MDGA1: variants seen among roughly 807,000 people sequenced by gnomAD.
MDGA1 encodes MAM domain containing glycosylphosphatidylinositol anchor 1.
Under a neutral mutation model 101.5 loss-of-function variants are expected in MDGA1, and 54 were observed. That is an observed-to-expected ratio of 0.53 (90% CI 0.43 to 0.67). The LOEUF is 0.67. Ranked by LOEUF, MDGA1 falls within the 30% of genes least tolerant of loss-of-function variation. The probability of loss-of-function intolerance (pLI) is 0.00; values close to 1 mark genes in which losing one functional copy is unlikely to be tolerated. For synonymous variants in MDGA1, 533 were observed against 558.3 expected (o/e 0.95, Z 0.64); for missense variants, 1,083 against 1,323.8 (o/e 0.82, Z 2.82).
rs1243452471 is a variant in MDGA1 at position 37,652,047 on chromosome 6, C to A, written c.1276G>T (p.Asp426Tyr). ...GAGATGTTGACCTCGACGCTGAGGT[C>A]GGGCACGGGTGCCCCTGGGAAAGAA... ...MASFPGAPVP[D>Y]LSVEVNISSE... The change falls in exon 7 of 17, where the codon GAC becomes TAC. Residue 426 changes from aspartate (D) to tyrosine (Y), a missense_variant. By Grantham distance (160) the Asp-to-Tyr change is radical. Coordinates refer to ENST00000434837, the MANE Select transcript of MDGA1 (RefSeq NM_153487.4). The surrounding 1 kb of genome is among the most constrained non-coding windows in gnomAD (Gnocchi z 4.3). 6 of 1,608,792 alleles carry A rather than the reference C, an allele frequency of 3.7e-6. No homozygotes were observed. The African/African-American group carries it at 8.0e-5, about 21-fold the overall frequency.
chr6:37,649,395 GCACACTCGCAACAC>G, intron 8 of MDGA1, 129 bp from the exon 9 acceptor site: 2 of 1,375,670 alleles, frequency 1.5e-6, no homozygotes, highest in Non-Finnish European at 9.4e-7. Context: ...CAGGGCGGAT[GCACACTCGCAACAC>G]ATCCCTCCAA....
At chr6:37,694,212 T>C (rs539241217) in intron 1 of MDGA1, among the ~76,000 whole-genome samples, 2 of 152,292 alleles carry the variant, frequency 1.3e-5, no homozygotes, top group East Asian at 3.9e-4. Flanking sequence ...AATACTAGGC[T>C]TCCAGCCTCT....
chr6:37,666,937 T>C, intron 1 of MDGA1, among the ~76,000 whole-genome samples: 1 of 152,216 alleles, frequency 6.6e-6, no homozygotes. Context: ...TCTTTGGACA[T>C]TAGTTTTCTC....
At chr6:37,679,873 G>T (rs969486251) in intron 1 of MDGA1, among the ~76,000 whole-genome samples, 3 of 152,162 alleles carry the variant, frequency 2.0e-5, no homozygotes, top group African/African-American at 7.2e-5. Flanking sequence ...CATGGTTAGT[G>T]AGCGGCCGAG....
At chr6:37,648,674 G>T (rs1761276909) in intron 9 of MDGA1, 4 of 471,836 alleles carry the variant, frequency 8.5e-6, no homozygotes, top group Non-Finnish European at 1.1e-5. Flanking sequence ...CGGGGCTTAG[G>T]ACTGGTATAG....
At chr6:37,658,852 T>A (rs1761556613) in intron 2 of MDGA1, among the ~76,000 whole-genome samples, 1 of 148,828 alleles carries the variant, frequency 6.7e-6, no homozygotes. Context: ...GCACCTGTGG[T>A]CCCAGCTACT....
At position 37,636,982 on chromosome 6, in the gene MDGA1, A is replaced by G. The variant is rs745691420; in HGVS notation, c.*386T>C. 8.1e-5 allele frequency: 13 copies of G among 160,130 alleles called. No homozygotes were observed. The highest frequency in any genetic ancestry group is 1.5e-4 in the Non-Finnish European group (11 of 73,228). The allele number at this position is 160,130 out of a possible 1,614,324, so 9.9% of individuals were successfully genotyped here. On this transcript the variant is annotated 3_prime_UTR_variant, in exon 17 of 17. Transcript: ENST00000434837. ...TCGGCCTTGACTTAGGGGACAGGGT[A>G]AAGTCAGAAGCACACCACGAGTGCA...
chr6:37,640,881 TGAGGATCCTGGAA>T (rs1394176347), intron 14 of MDGA1, among the ~76,000 whole-genome samples: 3 of 152,056 alleles, frequency 2.0e-5, no homozygotes, highest in Non-Finnish European at 1.5e-5. Flanking sequence ...TTGGGGCTGG[TGAGGATCCTGGAA>T]GACACTGGGG....
chr6:37,655,954 C>T lies in MDGA1; in HGVS notation c.383-58G>A, dbSNP rs1761478033. ...TGGGTGACCCCAAGGTTGGGGGGCT[C>T]AGGCTCCTGGCAGCCCTTAGGAAGA... On this transcript the variant is annotated intron_variant, in intron 3 of 16. Coordinates refer to ENST00000434837, the MANE Select transcript of MDGA1 (RefSeq NM_153487.4). The surrounding 1 kb of genome is among the most constrained non-coding windows in gnomAD (Gnocchi z 5.1). 6.8e-6 allele frequency: 10 copies of T among 1,462,132 alleles called. No homozygotes were observed. The highest frequency in any genetic ancestry group is 2.2e-5 in the Admixed American group (1 of 45,352). 90.6% of individuals were successfully genotyped at this position (1,462,132 alleles called of 1,614,324 possible).
At position 37,696,862 on chromosome 6, in the gene MDGA1, CG is replaced by C. The variant is rs1406928375; in HGVS notation, c.-52del. 7 of 1,507,712 alleles carry C rather than the reference CG, an allele frequency of 4.6e-6. No individual in the cohort carries two copies. The highest frequency in any genetic ancestry group is 2.5e-5 in the East Asian group (1 of 40,782). The allele number at this position is 1,507,712 out of a possible 1,614,324, so 93.4% of individuals were successfully genotyped here. A position where few individuals can be genotyped will look rare whatever the true frequency, so the allele number is the denominator to read the frequency against. ...CGAGGCGGCGCAGCCCGAGAGGCGG[CG>C]GGGGGCGCATTCGCCGGGGCCCCGC... On this transcript the variant is annotated 5_prime_UTR_variant, in exon 1 of 17. It introduces an in-frame stop codon into an upstream open reading frame of the 5' UTR. Coordinates refer to ENST00000434837, the MANE Select transcript of MDGA1 (RefSeq NM_153487.4). This position sits in a 1 kb window ranked among gnomAD's most constrained non-coding sequence, Gnocchi z 5.6.
chr6:37,696,835 C>G lies in MDGA1; in HGVS notation c.-24G>C, dbSNP rs1321516761. ...ATCTTCACGGCCGGTGCTTCATCCCCGCGAGGCGGCGCAGCCCGAGAGGCG... is the reference window on the plus strand; with the variant it reads ...ATCTTCACGGCCGGTGCTTCATCCCGGCGAGGCGGCGCAGCCCGAGAGGCG... On this transcript the variant is annotated 5_prime_UTR_variant, in exon 1 of 17. Transcript: ENST00000434837. The surrounding 1 kb of genome is among the most constrained non-coding windows in gnomAD (Gnocchi z 5.6). 2.6e-6 allele frequency: 4 copies of G among 1,554,818 alleles called. No individual in the cohort carries two copies. The highest frequency in any genetic ancestry group is 3.5e-6 in the Non-Finnish European group (4 of 1,148,574).
intron 1 of MDGA1, among the ~76,000 whole-genome samples, chr6:37,688,417 G>A (rs1275511516): frequency 6.6e-6 from 1 of 152,102 alleles, no homozygotes; most frequent in East Asian, 1.9e-4. Context: ...CTGAGTTTCT[G>A]GGCCTGGAAA....
Position 37,652,215 on chromosome 6 carries a change from G to T in MDGA1, c.1108C>A (p.Gln370Lys), listed in dbSNP as rs1470203467. 6.2e-7 allele frequency: 1 copy of T among 1,613,878 alleles called. No homozygotes were observed. The highest frequency in any genetic ancestry group is 8.5e-7 in the Non-Finnish European group (1 of 1,179,902). ...GCCGGCTTGCCATTCTTGAACCACT[G>T]GTAGGTCACCTTCTCCTGGGGCACT... is the stretch of plus-strand genomic sequence containing the variant. ...DAVPQEKVTY[Q>K]WFKNGKPARM... The change falls in exon 7 of 17, where the codon CAG (glutamine) becomes AAG (lysine). Residue 370 changes from glutamine (Q) to lysine (K), a missense_variant. Gln to Lys is a moderately conservative substitution (Grantham distance 53). Around this residue, in one of 3 missense-constraint regions of MDGA1, gnomAD observed 116 missense variants for 196.6 expected, o/e 0.59. Coordinates refer to ENST00000434837, the MANE Select transcript of MDGA1 (RefSeq NM_153487.4). This position sits in a 1 kb window ranked among gnomAD's most constrained non-coding sequence, Gnocchi z 4.3.
chr6:37,677,017 AC>A (rs1761995027), intron 1 of MDGA1, among the ~76,000 whole-genome samples: 1 of 152,190 alleles, frequency 6.6e-6, no homozygotes, highest in South Asian at 2.1e-4. Flanking sequence ...GAGGCCAATA[AC>A]ATTAGGCTTA....
In MDGA1 at chr6:37,655,565, C is replaced by T; in HGVS notation, c.579+135G>A. 1 of 706,272 alleles carries T rather than the reference C, an allele frequency of 1.4e-6. No homozygotes were observed. The highest frequency in any genetic ancestry group is 2.4e-6 in the Non-Finnish European group (1 of 425,490). 43.8% of individuals were successfully genotyped at this position (706,272 alleles called of 1,614,324 possible). A position where few individuals can be genotyped will look rare whatever the true frequency, so the allele number is the denominator to read the frequency against. ...TTTCTGCCCCAGGCTGTCTGAACTC[C>T]AATCAGAATGTGTGTTTCCAAAGTA... On this transcript the variant is annotated intron_variant, in intron 4 of 16. Transcript: ENST00000434837. This position sits in a 1 kb window ranked among gnomAD's most constrained non-coding sequence, Gnocchi z 5.1.
chr6:37,663,889 TG>T (rs1761681625), intron 2 of MDGA1, 77 bp downstream of exon 2: 1 of 1,531,452 alleles, frequency 6.5e-7, no homozygotes, highest in African/African-American at 1.4e-5. Flanking sequence ...CCTCATCTCC[TG>T]CTGCCTCTTC....
At chr6:37,668,086 A>G (rs1398382305) in intron 1 of MDGA1, among the ~76,000 whole-genome samples, 1 of 152,142 alleles carries the variant, frequency 6.6e-6, no homozygotes, top group Non-Finnish European at 1.5e-5. Flanking sequence ...CTCTGTCTCT[A>G]CAAAAACTGC....
intron 1 of MDGA1, among the ~76,000 whole-genome samples, chr6:37,676,964 C>T (rs1405024904): frequency 6.6e-6 from 1 of 151,772 alleles, no homozygotes; most frequent in African/African-American, 2.4e-5. Context: ...GGCTCCACTC[C>T]AGCACTTAAC....
chr6:37,672,133 T>G (rs1761882686), intron 1 of MDGA1, among the ~76,000 whole-genome samples: 1 of 147,534 alleles, frequency 6.8e-6, no homozygotes, highest in Non-Finnish European at 1.5e-5. Flanking sequence ...AGAGTGAGAC[T>G]CCATCTAAAA....
Sources: gnomAD v4.1 joint callset for allele counts (sites outside exome capture counted in the v4.1 genomes callset) on GRCh38, gnomAD v4.1.1 for gene constraint, gnomAD v4.1.1 regional missense constraint, Gnocchi (gnomAD v3.1) non-coding constraint, MANE v1.5 for transcripts, NCBI Gene and HGNC (gene_info 2026-07-23, HGNC 2026-07-21) for gene names.